COMMD10: variants seen among roughly 807,000 people sequenced by gnomAD.
The protein encoded by COMMD10 is COMM domain containing 10.
COMMD10 carries 33 observed loss-of-function variants against 28.9 expected under a neutral mutation model. The ratio of observed to expected loss-of-function variants is 1.14; its 90% CI spans 0.87 to 1.53. The LOEUF (loss-of-function observed/expected upper bound fraction) is 1.53. COMMD10 is among the 40% of genes most tolerant of loss of function. The pLI, the probability that COMMD10 is intolerant of heterozygous loss-of-function variation, is 0.00. For missense variants in COMMD10, 310 were observed against 233.4 expected (o/e 1.33, Z -2.14); for synonymous variants, 110 against 81.7 (o/e 1.35, Z -1.87).
At chr5:116,259,188 G>C (rs182216016) in intron 5 of COMMD10, among the ~76,000 whole-genome samples, 65 of 150,282 alleles carry the variant, frequency 4.3e-4, no homozygotes, top group African/African-American at 1.5e-3. Flanking sequence ...TCAGCCTCCA[G>C]AGTACCTGGG....
chr5:116,155,050 A>G (rs1231791112), intron 5 of COMMD10, among the ~76,000 whole-genome samples: 1 of 152,084 alleles, frequency 6.6e-6, no homozygotes, highest in African/African-American at 2.4e-5. Context: ...TGTATCTTTT[A>G]ACATTGGTAT....
intron 4 of COMMD10, among the ~76,000 whole-genome samples, chr5:116,126,074 G>T (rs1421773225): frequency 6.6e-6 from 1 of 152,174 alleles, no homozygotes; most frequent in Non-Finnish European, 1.5e-5. Flanking sequence ...AGCAACTTCA[G>T]CAAAGTCTTA....
At chr5:116,222,728 G>T (rs894647244) in intron 5 of COMMD10, among the ~76,000 whole-genome samples, 1 of 152,122 alleles carries the variant, frequency 6.6e-6, no homozygotes, top group South Asian at 2.1e-4. Flanking sequence ...GTCTTGCTCT[G>T]TTGCCCAGGC....
chr5:116,105,710 T>G (rs1750814405), intron 4 of COMMD10, among the ~76,000 whole-genome samples: 1 of 152,228 alleles, frequency 6.6e-6, no homozygotes. Context: ...TCCAGGAGTT[T>G]ATCCATTTCT....
At chr5:116,255,869 A>C (rs1199854037) in intron 5 of COMMD10, 7 of 151,434 alleles carry the variant, frequency 4.6e-5, no homozygotes, top group Non-Finnish European at 1.0e-4. Context: ...TAGTCTCATT[A>C]AGTAGAAGAG....
At chr5:116,133,528 C>T (rs1374038271) in intron 4 of COMMD10, among the ~76,000 whole-genome samples, 1 of 152,138 alleles carries the variant, frequency 6.6e-6, no homozygotes, top group Admixed American at 6.6e-5. Flanking sequence ...CTGTTTCAAT[C>T]TCATTGTGTC....
At chr5:116,143,640 T>C (rs1448864118) in intron 5 of COMMD10, among the ~76,000 whole-genome samples, 1 of 151,852 alleles carries the variant, frequency 6.6e-6, no homozygotes, top group Non-Finnish European at 1.5e-5. Flanking sequence ...TACCTTTTCA[T>C]GTATTAGAAA....
At chr5:116,167,811 T>C (rs1297414147) in intron 5 of COMMD10, among the ~76,000 whole-genome samples, 4 of 152,054 alleles carry the variant, frequency 2.6e-5, no homozygotes, top group Non-Finnish European at 5.9e-5. Flanking sequence ...CAGGGCTGCC[T>C]TACAAGAGCT....
At chr5:116,095,978 A>G (rs1429068743) in intron 4 of COMMD10, among the ~76,000 whole-genome samples, 1 of 152,098 alleles carries the variant, frequency 6.6e-6, no homozygotes, top group African/African-American at 2.4e-5. Flanking sequence ...TTATTTGTCT[A>G]TGCCAATATC....
At chr5:116,216,530 G>GT (rs1317392300) in intron 5 of COMMD10, among the ~76,000 whole-genome samples, 5 of 151,696 alleles carry the variant, frequency 3.3e-5, no homozygotes, top group African/African-American at 1.2e-4. Context: ...TTCTTTTTTT[G>GT]TTTTTGTTGT....
chr5:116,271,258 C>T (rs962175807), intron 5 of COMMD10, among the ~76,000 whole-genome samples: 3 of 136,690 alleles, frequency 2.2e-5, no homozygotes, highest in African/African-American at 3.2e-5. Context: ...ATTTTTTTTC[C>T]TGTTTAAGCA....
intron 5 of COMMD10, among the ~76,000 whole-genome samples, chr5:116,155,615 T>G (rs7721982): frequency 0.33 from 49,506 of 151,996 alleles, 11,398 homozygotes; most frequent in African/African-American, 0.66. Flanking sequence ...ATTGACAAAG[T>G]GAGGAATGTG....
intron 5 of COMMD10, among the ~76,000 whole-genome samples, chr5:116,202,772 G>C (rs1014808599): frequency 1.5e-4 from 23 of 151,266 alleles, no homozygotes; most frequent in African/African-American, 5.4e-4. Flanking sequence ...GTTCATTGTA[G>C]ATTCTGGATA....
intron 4 of COMMD10, among the ~76,000 whole-genome samples, chr5:116,126,259 T>C (rs991568186): frequency 5.9e-5 from 9 of 152,090 alleles, no homozygotes; most frequent in Non-Finnish European, 1.0e-4. Context: ...AAACCACTGC[T>C]CAACGAAATG....
At chr5:116,165,688 T>G (rs1353418187) in intron 5 of COMMD10, among the ~76,000 whole-genome samples, 1 of 150,610 alleles carries the variant, frequency 6.6e-6, no homozygotes, top group Non-Finnish European at 1.5e-5. Context: ...GTGTCTCTTA[T>G]TGTTTCTTTT....
At chr5:116,188,086 A>G (rs1388060098) in intron 5 of COMMD10, among the ~76,000 whole-genome samples, 3 of 152,196 alleles carry the variant, frequency 2.0e-5, no homozygotes, top group African/African-American at 7.2e-5. Flanking sequence ...TCCAGTAACT[A>G]TAATGGAAAC....
chr5:116,289,461 T>A (rs1178625398), intron 5 of COMMD10, among the ~76,000 whole-genome samples: 1 of 151,872 alleles, frequency 6.6e-6, no homozygotes, highest in African/African-American at 2.4e-5. Flanking sequence ...TCTGATATTT[T>A]GCTCCCTCTG....
chr5:116,228,660 G>GT (rs2112651928), intron 5 of COMMD10, among the ~76,000 whole-genome samples: 1 of 151,974 alleles, frequency 6.6e-6, no homozygotes, highest in African/African-American at 2.4e-5. Context: ...CATAAATTGT[G>GT]TTTTTTCATG....
At chr5:116,124,846 T>C (rs1261690695) in intron 4 of COMMD10, among the ~76,000 whole-genome samples, 1 of 152,166 alleles carries the variant, frequency 6.6e-6, no homozygotes, top group East Asian at 1.9e-4. Context: ...TCTCTTTTGA[T>C]CTTTGTTTAA....
Sources: gnomAD v4.1 joint callset for allele counts (sites outside exome capture counted in the v4.1 genomes callset) on GRCh38, gnomAD v4.1.1 for gene constraint, MANE v1.5 for transcripts, NCBI Gene and HGNC (gene_info 2026-07-23, HGNC 2026-07-21) for gene names.